The following HYAL1 variants were observed in gnomAD, a reference collection of about 807,000 sequenced individuals.
HYAL1 encodes hyaluronidase-1.
Under a neutral mutation model 28.8 loss-of-function variants are expected in HYAL1, and 21 were observed. The ratio of observed to expected loss-of-function variants is 0.73; its 90% confidence interval spans 0.52 to 1.05. HYAL1 has a LOEUF of 1.05. HYAL1 is among the 50% of genes least tolerant of loss of function. HYAL1 has a pLI of 0.00. For synonymous variants in HYAL1, 200 were observed against 230.1 expected (o/e 0.87, Z 1.18); for missense variants, 491 against 579.2 (o/e 0.85, Z 1.56).
At chr3:50,311,348 G>T (rs1553714770) in intron 1 of HYAL1, among the ~76,000 whole-genome samples, 1 of 143,180 alleles carries the variant, frequency 7.0e-6, no homozygotes, top group African/African-American at 2.6e-5. Context: ...GGACGGGGCG[G>T]CTGGCCGGGC....
chr3:50,308,412 C>A (rs1575522433), upstream of HYAL1, among the ~76,000 whole-genome samples: 1 of 151,130 alleles, frequency 6.6e-6, no homozygotes, highest in East Asian at 1.9e-4. Flanking sequence ...CAGGCGTGAG[C>A]CACCATGTCA....
chr3:50,311,074 ACCG>A (rs1702437086), intron 1 of HYAL1, among the ~76,000 whole-genome samples: 1 of 151,784 alleles, frequency 6.6e-6, no homozygotes, highest in Non-Finnish European at 1.5e-5. Context: ...AGTCCACAAA[ACCG>A]CCATTGTCAT....
upstream of HYAL1, among the ~76,000 whole-genome samples, chr3:50,305,848 G>C (rs182099907): frequency 1.3e-5 from 2 of 151,356 alleles, no homozygotes; most frequent in Non-Finnish European, 2.9e-5. Flanking sequence ...TACTTCTTAC[G>C]TATTGATAGA....
At position 50,302,893 on chromosome 3, in the gene HYAL1, A is replaced by G; in HGVS notation, c.64T>C (p.Phe22Leu). 6.2e-7 allele frequency: 1 copy of G among 1,611,252 alleles called. No homozygotes were observed. The highest frequency in any genetic ancestry group is 8.5e-7 in the Non-Finnish European group (1 of 1,178,026). The change falls in exon 2 of 4, where the codon TTT (phenylalanine) becomes CTT (leucine). Residue 22 changes from phenylalanine to leucine, a missense_variant. By Grantham distance (22) the Phe-to-Leu change is conservative. Transcript: ENST00000395144. This position sits in a 1 kb window ranked among gnomAD's most constrained non-coding sequence, Gnocchi z 5.0. Reference protein sequence around the residue: ...FLTLLDMAQGFRGPLLPNRPF... With the variant: ...FLTLLDMAQGLRGPLLPNRPF... ...CGGTTGGGTAGCAAGGGGCCCCTAA[A>G]GCCTTGGGCCATATCGAGTAAGGTC...
At chr3:50,300,921 T>C (rs1559816960) in intron 3 of HYAL1, 67 bp downstream of exon 3, 1 of 1,499,028 alleles carries the variant, frequency 6.7e-7, no homozygotes, top group Non-Finnish European at 9.2e-7. Flanking sequence ...TAAGTCAGGG[T>C]CTACCCCGTC....
Position 50,302,913 on chromosome 3 carries a change from A to G in HYAL1, c.44T>C (p.Leu15Ser). ...CCTAAAGCCTTGGGCCATATCGAGT[A>G]AGGTCAGGAAGAGGGCGCAGATGGG... ...LLPICALFLT[L>S]LDMAQGFRGP... Residue 15 changes from leucine to serine, a missense_variant, in exon 2 of 4, where the codon TTA becomes TCA. Physicochemically the swap from Leu to Ser is moderately radical, Grantham distance 145 (BLOSUM62 -2). Transcript: ENST00000395144. The surrounding 1 kb of genome is among the most constrained non-coding windows in gnomAD (Gnocchi z 5.0). 6.3e-7 allele frequency: 1 copy of G among 1,596,604 alleles called. No homozygotes were observed. Among genetic ancestry groups the G allele is most frequent in the Non-Finnish European group, 8.6e-7 (1 of 1,168,424 alleles).
intron 1 of HYAL1, among the ~76,000 whole-genome samples, chr3:50,310,572 GTTTCT>G (rs1175895030): frequency 6.7e-6 from 1 of 148,502 alleles, no homozygotes; most frequent in African/African-American, 2.5e-5. Flanking sequence ...GGCCACTGTG[GTTTCT>G]TTTCTTTTTT....
chr3:50,310,296 G>T (rs1335334810), intron 1 of HYAL1, among the ~76,000 whole-genome samples: 1 of 131,372 alleles, frequency 7.6e-6, no homozygotes. Context: ...ACAGAGTCCC[G>T]CTCTGTCACT....
rs975899529 is a variant in HYAL1 at position 50,310,468 on chromosome 3, G to A, written c.-309-691C>T. 9.3e-5 allele frequency among the ~76,000 whole-genome samples: 14 copies of A among 150,536 alleles called. 1 individual carries two copies. Among genetic ancestry groups the A allele is most frequent in the Middle Eastern group, 3.4e-3 (1 of 292 alleles). On this transcript the variant is annotated intron_variant, in intron 1 of 5. Transcript: ENST00000320295. ...TTTTTAATAGAGATGGGGTTTCACC[G>A]TGTTAGCCAGAATGGTCTCGATCTC...
At chr3:50,300,828 G>T (rs782294783) in intron 3 of HYAL1, 28 bp from the exon 4 acceptor site, 121 of 1,607,384 alleles carry the variant, frequency 7.5e-5, no homozygotes, top group Non-Finnish European at 9.0e-5. Flanking sequence ...ATAGCGTCAG[G>T]GACACCATGG....
intron 1 of HYAL1, among the ~76,000 whole-genome samples, chr3:50,311,239 C>A (rs1366178516): frequency 4.7e-5 from 3 of 63,738 alleles, no homozygotes; most frequent in East Asian, 4.5e-4. Flanking sequence ...GCTGACCCCC[C>A]CAACTCCCTC....
At chr3:50,310,429 A>AT (rs782711884) in intron 1 of HYAL1, among the ~76,000 whole-genome samples, 1,940 of 143,494 alleles carry the variant, frequency 0.014, 24 homozygotes, top group South Asian at 0.025. Flanking sequence ...ACGCCCGGCT[A>AT]TTTTTTTTTT....
chr3:50,306,219 C>CTTTTTTTTTT (rs1173166946), upstream of HYAL1, among the ~76,000 whole-genome samples: 1 of 84,454 alleles, frequency 1.2e-5, no homozygotes, highest in Non-Finnish European at 2.3e-5. Context: ...CTGTACAACT[C>CTTTTTTTTTT]TTTTTTTTTT....
At chr3:50,311,664 G>A (rs1485597203) in intron 1 of HYAL1, among the ~76,000 whole-genome samples, 42 of 142,030 alleles carry the variant, frequency 3.0e-4, no homozygotes, top group South Asian at 1.5e-3. Context: ...CTGGCCGGGC[G>A]GGGGGCTGAC....
In HYAL1 at chr3:50,302,221, T is replaced by A. The variant is rs1553713102; in HGVS notation, c.736A>T (p.Ile246Phe). 1 of 1,614,080 alleles carries A rather than the reference T, an allele frequency of 6.2e-7. No individual in the cohort carries two copies. The highest frequency in any genetic ancestry group is 1.1e-5 in the South Asian group (1 of 91,086). The change falls in exon 2 of 4, where the codon ATC becomes TTC. Residue 246 changes from isoleucine to phenylalanine, a missense_variant. Physicochemically the swap from Ile to Phe is conservative, Grantham distance 21. Coordinates refer to ENST00000395144, the MANE Select transcript of HYAL1 (RefSeq NM_033159.4). The surrounding 1 kb of genome is among the most constrained non-coding windows in gnomAD (Gnocchi z 5.0). Reference protein sequence around the residue: ...WGQSRALYPSIYMPAVLEGTG... With the variant: ...WGQSRALYPSFYMPAVLEGTG... ...CCCTCCAGCACTGCGGGCATGTAGA[T>A]GCTGGGATAGAGGGCACGGCTCTGG...
chr3:50,308,747 T>G (rs1326363612), intron 2 of HYAL1, among the ~76,000 whole-genome samples: 1 of 122,834 alleles, frequency 8.1e-6, no homozygotes, highest in Non-Finnish European at 1.7e-5. Flanking sequence ...TTTTTTTTTT[T>G]TTAGACGAAG....
intron 1 of HYAL1, 178 bp from the exon 2 acceptor site, chr3:50,303,158 G>T: frequency 3.6e-6 from 2 of 551,714 alleles, no homozygotes; most frequent in Non-Finnish European, 6.3e-6. Context: ...ATGGCCACTG[G>T]AGGGCACATC....
Position 50,301,057 on chromosome 3 carries a change from C to T in HYAL1, c.921G>A (p.Leu307=), listed in dbSNP as rs782200873. The part of the protein sequence containing the change: ...FLPLDELEHS[L]GESAAQGAAG... ...CTGCCCCCTGGGCCGCACTCTCCCC[C>T]AGGCTGTGCTCCAGCTCATCCTGGG... The change falls in exon 3 of 4, where the codon CTG becomes CTA. Residue 307 remains leucine, a synonymous_variant. Transcript: ENST00000395144. 30 of 1,613,258 alleles carry T rather than the reference C, an allele frequency of 1.9e-5. No individual in the cohort carries two copies. In the Admixed American group the frequency reaches 5.0e-4, roughly 27 times the overall value.
In HYAL1 at chr3:50,302,320, GA is replaced by G. The variant is rs1702199305; in HGVS notation, c.636del (p.Leu213Ter). 1 of 1,613,536 alleles carries G rather than the reference GA, an allele frequency of 6.2e-7. No homozygotes were observed. Reference protein sequence around the residue: ...YGFPDCYNYDFLSPNYTGQCP... With the variant: ...YGFPDCYNYDXLSPNYTGQCP... ...CACTGGCCGGTGTAGTTGGGGCTTAGAAAGTCATAGTTGTAGCAGTCAGGGA... is the reference window on the plus strand; with the variant it reads ...CACTGGCCGGTGTAGTTGGGGCTTAGAAGTCATAGTTGTAGCAGTCAGGGA... On this transcript the variant is annotated frameshift_variant, in exon 2 of 4. Coordinates refer to ENST00000395144, the MANE Select transcript of HYAL1 (RefSeq NM_033159.4). LOFTEE classifies it high-confidence loss of function. The surrounding 1 kb of genome is among the most constrained non-coding windows in gnomAD (Gnocchi z 5.0).
Sources: allele counts gnomAD v4.1 joint callset (sites outside exome capture counted in the v4.1 genomes callset), GRCh38; gene constraint gnomAD v4.1.1; non-coding constraint Gnocchi (gnomAD v3.1); transcripts MANE v1.5; gene names NCBI Gene and HGNC (gene_info 2026-07-23, HGNC 2026-07-21).